Variants in KDM6A observed in about 807,000 individuals in gnomAD.
The protein encoded by KDM6A is lysine demethylase 6A.
KDM6A carries 11 observed loss-of-function variants against 117.6 expected under a neutral mutation model. That is an observed-to-expected ratio of 0.09 (90% CI 0.06 to 0.15). The LOEUF is 0.15. Among genes scored for constraint, KDM6A ranks in the 10% least tolerant of loss-of-function variants. The pLI is 1.00. For missense variants in KDM6A, 799 were observed against 1,077.3 expected (o/e 0.74, Z 3.62); for synonymous variants, 384 against 396.1 (o/e 0.97, Z 0.36).
At chrX:44,931,701 G>A (rs2036635724) in intron 2 of KDM6A, among the ~76,000 whole-genome samples, 1 of 111,464 alleles carries the variant, frequency 9.0e-6, no homozygotes, top group African/African-American at 3.3e-5. Context: ...GTCAAGGGCT[G>A]GGGGGAGTTG....
At chrX:45,050,007 T>C (rs756218503) in intron 8 of KDM6A, among the ~76,000 whole-genome samples, 1 of 112,779 alleles carries the variant, frequency 8.9e-6, no homozygotes, top group East Asian at 2.8e-4. Context: ...ATGAGTGTTT[T>C]GGGGGAACTA....
intron 8 of KDM6A, among the ~76,000 whole-genome samples, chrX:45,041,394 C>T (rs1219782785): frequency 9.9e-6 from 1 of 100,683 alleles, no homozygotes; most frequent in African/African-American, 3.8e-5. Flanking sequence ...AGGAGCCCCT[C>T]ACCTCCCGGA....
chrX:44,973,558 A>G (rs1005922278), intron 3 of KDM6A, among the ~76,000 whole-genome samples: 6 of 111,799 alleles, frequency 5.4e-5, no homozygotes, highest in African/African-American at 2.0e-4. Context: ...AGAATTTTGA[A>G]AACATTGTTC....
At chrX:45,089,691 A>G (rs2045809852) in intron 25 of KDM6A, 52 bp from the exon 26 acceptor site, 1 of 889,042 alleles carries the variant, frequency 1.1e-6, no homozygotes, top group East Asian at 3.2e-5. Context: ...CAGTCTTACT[A>G]GGAGCTTCTT....
At chrX:44,985,086 A>C (rs567878537) in intron 4 of KDM6A, among the ~76,000 whole-genome samples, 29 of 109,444 alleles carry the variant, frequency 2.6e-4, no homozygotes, top group South Asian at 2.0e-3. Context: ...CTTTTATTTC[A>C]TTGAGCAGTG....
chrX:44,962,036 A>C (rs1313588741), intron 3 of KDM6A, among the ~76,000 whole-genome samples: 8 of 111,777 alleles, frequency 7.2e-5, no homozygotes, highest in Non-Finnish European at 1.9e-5. Flanking sequence ...AAAAATCCAC[A>C]TTAAAAGAAA....
intron 2 of KDM6A, among the ~76,000 whole-genome samples, chrX:44,928,118 A>G (rs1350415300): frequency 1.8e-5 from 2 of 112,595 alleles, no homozygotes; most frequent in Non-Finnish European, 3.8e-5. Context: ...TTAAAATACA[A>G]CAGCTATAAA....
chrX:45,015,425 G>A lies in KDM6A; in HGVS notation c.443+4406G>A, dbSNP rs780243182. ...CCACGGAGCCTGGTGTAAAGTTTCTGTAGGATTCATTTTCATAGCACTGTA... is the reference window on the plus strand; with the variant it reads ...CCACGGAGCCTGGTGTAAAGTTTCTATAGGATTCATTTTCATAGCACTGTA... On this transcript the variant is annotated intron_variant, in intron 5 of 29. Coordinates refer to ENST00000611820, the MANE Select transcript of KDM6A (RefSeq NM_001291415.2). Among the ~76,000 whole-genome samples, 12 of 111,502 alleles carry A rather than the reference G, an allele frequency of 1.1e-4. No individual in the cohort carries two copies. The East Asian group carries it at 3.1e-3, about 29-fold the overall frequency.
intron 2 of KDM6A, among the ~76,000 whole-genome samples, chrX:44,936,627 G>A (rs1175205683): frequency 8.9e-6 from 1 of 112,016 alleles, no homozygotes; most frequent in Non-Finnish European, 1.9e-5. Context: ...CTTGGGACCA[G>A]AAGTGTTTCG....
chrX:45,012,862 T>G (rs1032737804), intron 5 of KDM6A, among the ~76,000 whole-genome samples: 4 of 111,869 alleles, frequency 3.6e-5, no homozygotes, highest in African/African-American at 1.3e-4. Context: ...TTCAGATCAC[T>G]GGTTTTCTTT....
At chrX:45,071,744 T>TTCTTG (rs2044845759) in intron 18 of KDM6A, among the ~76,000 whole-genome samples, 2 of 104,754 alleles carry the variant, frequency 1.9e-5, no homozygotes, top group Admixed American at 2.1e-4. Context: ...TTCTTTTCTT[T>TTCTTG]TCTTGTCTTT....
rs773217437 is a variant in KDM6A at position 45,096,306 on chromosome X, C to T, written c.4034+5442C>T. Among the ~76,000 whole-genome samples the T allele has an allele frequency of 9.0e-5, 10 of 111,724 alleles. No individual in the cohort carries two copies. In the East Asian group the frequency reaches 1.7e-3, roughly 19 times the overall value. On this transcript the variant is annotated intron_variant, in intron 27 of 29. Coordinates refer to ENST00000611820, the MANE Select transcript of KDM6A (RefSeq NM_001291415.2). ...AAGCAAAATTTACCTTGTGCCTTCTCATCCGCTCCCTCCCTCCCTCAGCTC... is the reference window on the plus strand; with the variant it reads ...AAGCAAAATTTACCTTGTGCCTTCTTATCCGCTCCCTCCCTCCCTCAGCTC...
intron 27 of KDM6A, among the ~76,000 whole-genome samples, chrX:45,093,825 AC>A (rs2045994303): frequency 9.0e-6 from 1 of 111,419 alleles, no homozygotes; most frequent in Non-Finnish European, 1.9e-5. Context: ...GGTTGGACAC[AC>A]AAAATTTGTG....
In KDM6A at chrX:44,962,657, A is replaced by G. The variant is rs149157118; in HGVS notation, c.334+1265A>G. 6.0e-3 allele frequency among the ~76,000 whole-genome samples: 670 copies of G among 112,511 alleles called. 5 individuals carry two copies. The highest frequency in any genetic ancestry group is 0.02 in the African/African-American group (629 of 30,842). ...CAGACCCCTGCAATTTATTGCGAAT[A>G]TTGTAATAAAACCAATCAAACAAAA... is the stretch of plus-strand genomic sequence containing the variant. On this transcript the variant is annotated intron_variant, in intron 3 of 29. Transcript: ENST00000611820.
chrX:45,064,923 G>A (rs923694744), intron 17 of KDM6A, among the ~76,000 whole-genome samples: 1 of 111,626 alleles, frequency 9.0e-6, no homozygotes, highest in African/African-American at 3.3e-5. Context: ...AAGGCTCTGG[G>A]AATACATCAA....
chrX:44,963,056 CCT>C (rs1158399821), intron 3 of KDM6A, among the ~76,000 whole-genome samples: 1 of 112,174 alleles, frequency 8.9e-6, no homozygotes, highest in Non-Finnish European at 1.9e-5. Context: ...TGGAGTCAGT[CCT>C]CTCAACCCTG....
chrX:45,030,495 T>C lies in KDM6A; in HGVS notation c.565-4436T>C, dbSNP rs73202204. Among the ~76,000 whole-genome samples the C allele has an allele frequency of 2.6e-3, 280 of 107,504 alleles. 1 individual carries two copies. The highest frequency in any genetic ancestry group is 0.014 in the Middle Eastern group (3 of 215). 93.4% of individuals were successfully genotyped at this position (107,504 alleles called of 115,157 possible). A position where few individuals can be genotyped will look rare whatever the true frequency, so the allele number is the denominator to read the frequency against. ...TATCAGAACTGAGTTTTGAGGGCTT[T>C]GGGAGAACCTCAGTCAGATCATCTT... On this transcript the variant is annotated intron_variant, in intron 6 of 29. Coordinates refer to ENST00000611820, the MANE Select transcript of KDM6A (RefSeq NM_001291415.2).
intron 8 of KDM6A, among the ~76,000 whole-genome samples, chrX:45,050,696 T>G (rs2043803078): frequency 9.0e-6 from 1 of 111,274 alleles, no homozygotes; most frequent in African/African-American, 3.3e-5. Context: ...TTATGAGCCT[T>G]TCTTTTGTTA....
chrX:44,986,621 T>C (rs1480510516), intron 4 of KDM6A, among the ~76,000 whole-genome samples: 1 of 111,145 alleles, frequency 9.0e-6, no homozygotes, highest in Non-Finnish European at 1.9e-5. Context: ...TCTTTGTTCT[T>C]GTTGGTTTCA....
Sources: allele counts gnomAD v4.1 joint callset (sites outside exome capture counted in the v4.1 genomes callset), GRCh38; gene constraint gnomAD v4.1.1; transcripts MANE v1.5; gene names NCBI Gene and HGNC (gene_info 2026-07-23, HGNC 2026-07-21).